LEPR: variants seen among roughly 807,000 people sequenced by gnomAD.
LEPR encodes leptin receptor, also known as OB receptor.
LEPR carries 56 observed loss-of-function variants against 114.7 expected under a neutral mutation model. The ratio of observed to expected loss-of-function variants is 0.49; its 90% CI spans 0.39 to 0.61. The LOEUF (loss-of-function observed/expected upper bound fraction) is 0.61, where lower values mean the gene tolerates loss of function less well. Ranked by LOEUF, LEPR falls within the 20% of genes least tolerant of loss-of-function variation. The pLI is 0.00. For synonymous variants in LEPR, 443 were observed against 461.4 expected (o/e 0.96, Z 0.51); for missense variants, 1,202 against 1,352.9 (o/e 0.89, Z 1.75).
chr1:65,636,656 A>C lies in LEPR; in HGVS notation c.3139A>C (p.Ile1047Leu). ...FILSDQHPNI[I>L]SPHLTFSEGL... The stretch of plus-strand genomic sequence containing the variant: ...ATTATCAGATCAGCATCCCAACATA[A>C]TTTCACCACACCTCACATTCTCAGA... Residue 1047 changes from isoleucine (I) to leucine (L), a missense_variant, in exon 20 of 20, where the codon ATT (isoleucine) becomes CTT (leucine). Transcript: ENST00000349533. 1 of 1,610,340 alleles carries C rather than the reference A, an allele frequency of 6.2e-7. No individual in the cohort carries two copies. Among genetic ancestry groups the C allele is most frequent in the Non-Finnish European group, 8.5e-7 (1 of 1,177,594 alleles).
chr1:65,620,454 A>G (rs1401535670), intron 17 of LEPR, among the ~76,000 whole-genome samples: 1 of 152,234 alleles, frequency 6.6e-6, no homozygotes. Context: ...TAGTGAACAT[A>G]AGTTTCTGCC....
rs1490788973 is a variant in LEPR, at chr1:65,608,739, G to A, written c.1604-14G>A. 1.9e-6 allele frequency: 3 copies of A among 1,611,168 alleles called. No homozygotes were observed. Among genetic ancestry groups the A allele is most frequent in the Non-Finnish European group, 2.5e-6 (3 of 1,178,306 alleles). ...TAAATTACCATCACTTAATACTATTGTAAAAATTTCTAGTGAAGCCACTGC... is the reference window on the plus strand; with the variant it reads ...TAAATTACCATCACTTAATACTATTATAAAAATTTCTAGTGAAGCCACTGC... On this transcript the variant is annotated splice_polypyrimidine_tract_variant and intron_variant, in intron 11 of 19. Coordinates refer to ENST00000349533, the MANE Select transcript of LEPR (RefSeq NM_002303.6).
chr1:65,603,682 A>G (rs549278452), intron 10 of LEPR, among the ~76,000 whole-genome samples: 189 of 146,278 alleles, frequency 1.3e-3, no homozygotes, highest in Non-Finnish European at 2.4e-3. Flanking sequence ...ACATTAGGAG[A>G]TTTTTTTTGC....
At chr1:65,431,800 C>T in intron 2 of LEPR, 1 of 1,610,622 alleles carries the variant, frequency 6.2e-7, no homozygotes, top group Non-Finnish European at 8.5e-7. Flanking sequence ...TCTTGTCTTT[C>T]AGATCAAATG....
At chr1:65,468,697 GCT>G (rs1397032095) in intron 2 of LEPR, among the ~76,000 whole-genome samples, 9 of 152,170 alleles carry the variant, frequency 5.9e-5, no homozygotes, top group Non-Finnish European at 1.2e-4. Flanking sequence ...AGGAGCTATA[GCT>G]CTATGGAACC....
At chr1:65,482,670 A>G (rs116320511) in intron 2 of LEPR, among the ~76,000 whole-genome samples, 2,252 of 152,226 alleles carry the variant, frequency 0.015, 57 homozygotes, top group African/African-American at 0.05. Flanking sequence ...ATGAACATAG[A>G]TATCAATTCC....
intron 2 of LEPR, among the ~76,000 whole-genome samples, chr1:65,528,900 G>A (rs1650166121): frequency 1.3e-5 from 2 of 151,998 alleles, no homozygotes; most frequent in Non-Finnish European, 2.9e-5. Flanking sequence ...CGCCTCCCAG[G>A]TTCAAGCGAT....
intron 2 of LEPR, chr1:65,427,850 A>AGGCT (rs1646410514): frequency 3.1e-6 from 1 of 327,866 alleles, no homozygotes; most frequent in South Asian, 2.4e-5. Context: ...TGTGTTGCTC[A>AGGCT]GGCTGGTCTT....
At chr1:65,553,203 C>A (rs1652543110) in intron 2 of LEPR, among the ~76,000 whole-genome samples, 1 of 152,116 alleles carries the variant, frequency 6.6e-6, no homozygotes, top group Non-Finnish European at 1.5e-5. Context: ...CTTCAGGTTG[C>A]TCTTCTCGAG....
At chr1:65,429,551 C>T (rs945272714) in intron 2 of LEPR, among the ~76,000 whole-genome samples, 1 of 152,138 alleles carries the variant, frequency 6.6e-6, no homozygotes, top group African/African-American at 2.4e-5. Context: ...ATAGGGAAGG[C>T]AGAAATGACC....
chr1:65,640,335 C>A lies in LEPR; in HGVS notation c.*3320C>A, dbSNP rs1658827324. 1 of 152,186 alleles carries A rather than the reference C, an allele frequency of 6.6e-6. No homozygotes were observed. Among genetic ancestry groups the A allele is most frequent in the Non-Finnish European group, 1.5e-5 (1 of 68,032 alleles). The allele number at this position is 152,186 out of a possible 1,614,324, so 9.4% of individuals were successfully genotyped here. ...AAAAGATCTCTTGCTAAATTATTTT[C>A]TGTGACCTTAAAAGAAATTTGTTTC... is the stretch of plus-strand genomic sequence containing the variant. On this transcript the variant is annotated 3_prime_UTR_variant, in exon 20 of 20. Transcript: ENST00000349533.
chr1:65,483,667 C>G (rs1647330539), intron 2 of LEPR, among the ~76,000 whole-genome samples: 1 of 152,158 alleles, frequency 6.6e-6, no homozygotes, highest in Admixed American at 6.5e-5. Context: ...TCCCATCACT[C>G]TTGCCATCCT....
chr1:65,610,340 T>A (rs776403562), intron 14 of LEPR, 44 bp downstream of exon 14: 2 of 1,478,034 alleles, frequency 1.4e-6, no homozygotes, highest in South Asian at 1.2e-5. Flanking sequence ...ATTTTTATAC[T>A]CTTAAAAATT....
At chr1:65,626,585 TA>T (rs1249201331) in intron 19 of LEPR, among the ~76,000 whole-genome samples, 1 of 144,094 alleles carries the variant, frequency 6.9e-6, no homozygotes, top group African/African-American at 2.6e-5. Flanking sequence ...AAAAATCTTC[TA>T]AAATTCATTA....
intron 2 of LEPR, chr1:65,433,558 T>A (rs199535824): frequency 1.0e-6 from 1 of 984,798 alleles, no homozygotes; most frequent in Non-Finnish European, 1.2e-6. Flanking sequence ...TCTGAGTAAT[T>A]AGCAGGTATG....
chr1:65,578,095 A>G (rs1392096375), intron 5 of LEPR, among the ~76,000 whole-genome samples: 2 of 151,150 alleles, frequency 1.3e-5, no homozygotes, highest in Non-Finnish European at 2.9e-5. Flanking sequence ...GCTGAGAATG[A>G]TGGTTTTCAG....
rs185318631 is a variant in LEPR, at chr1:65,466,669, A to T, written c.-21+41291A>T. Among the ~76,000 whole-genome samples, 184 of 152,258 alleles carry T rather than the reference A, an allele frequency of 1.2e-3. 1 individual carries two copies. Among genetic ancestry groups the T allele is most frequent in the Non-Finnish European group, 2.0e-3 (134 of 68,016 alleles). ...CCGTCACTTTTGGTACACCAATCAG[A>T]TGTAGATTTGGTCTTTTCACATAGT... On this transcript the variant is annotated intron_variant, in intron 2 of 19. Transcript: ENST00000349533.
Position 65,636,759 on chromosome 1 carries a change from G to T in LEPR, c.3242G>T (p.Gly1081Val). Reference sequence around the variant, plus strand: ...GATAAAAAGTCTATCTATTATTTAGGGGTCACCTCAATCAAAAAGAGAGAG... The same window carrying T: ...GATAAAAAGTCTATCTATTATTTAGTGGTCACCTCAATCAAAAAGAGAGAG... ...NNDKKSIYYL[G>V]VTSIKKRESG... is the part of the protein sequence containing the mutation. The change falls in exon 20 of 20, where the codon GGG becomes GTG. Residue 1081 changes from glycine (G) to valine (V), a missense_variant. Physicochemically the swap from Gly to Val is moderately radical, Grantham distance 109. Coordinates refer to ENST00000349533, the MANE Select transcript of LEPR (RefSeq NM_002303.6). 1.2e-6 allele frequency: 2 copies of T among 1,613,834 alleles called. No individual in the cohort carries two copies. The highest frequency in any genetic ancestry group is 1.7e-6 in the Non-Finnish European group (2 of 1,179,936).
At chr1:65,429,843 G>T in intron 2 of LEPR, 1 of 1,396,744 alleles carries the variant, frequency 7.2e-7, no homozygotes, top group Non-Finnish European at 9.4e-7. Flanking sequence ...TTTGGATTTT[G>T]CCTGGGTCCA....
Sources: gnomAD v4.1 joint callset for allele counts (sites outside exome capture counted in the v4.1 genomes callset) on GRCh38, gnomAD v4.1.1 for gene constraint, MANE v1.5 for transcripts, NCBI Gene and HGNC (gene_info 2026-07-23, HGNC 2026-07-21) for gene names.